The following SNX29 variants were observed in gnomAD, a reference collection of about 807,000 sequenced individuals.
SNX29 encodes the protein sorting nexin 29, also known as sorting nexin-29.
A neutral mutation model predicts 102.1 loss-of-function variants in SNX29; 78 were observed. The observed-to-expected ratio is 0.76, with a 90% confidence interval of 0.64 to 0.92. The LOEUF is 0.92. Among genes scored for constraint, SNX29 ranks in the 40% least tolerant of loss-of-function variants. The pLI, the probability that SNX29 is intolerant of heterozygous loss-of-function variation, is 0.00. For missense variants in SNX29, 1,280 were observed against 1,061.7 expected (o/e 1.21, Z -2.86); for synonymous variants, 580 against 414.5 (o/e 1.40, Z -4.85).
intron 11 of SNX29, among the ~76,000 whole-genome samples, chr16:12,106,943 G>T (rs1296157948): frequency 1.3e-5 from 2 of 151,958 alleles, no homozygotes; most frequent in Non-Finnish European, 2.9e-5. Context: ...AGCCTCCCAA[G>T]TAGCTGGGAC....
chr16:12,559,116 C>G (rs12932704), intron 20 of SNX29, among the ~76,000 whole-genome samples: 1 of 151,852 alleles, frequency 6.6e-6, no homozygotes, highest in Non-Finnish European at 1.5e-5. Flanking sequence ...GTAGTCAAAT[C>G]AGGCTTGGAT....
intron 11 of SNX29, among the ~76,000 whole-genome samples, chr16:12,103,057 TACAA>T (rs2053087342): frequency 6.6e-6 from 1 of 152,110 alleles, no homozygotes; most frequent in Non-Finnish European, 1.5e-5. Context: ...TAAGAGAGGA[TACAA>T]ACAAATGGAA....
intron 20 of SNX29, among the ~76,000 whole-genome samples, chr16:12,541,911 C>T (rs892282399): frequency 1.3e-5 from 2 of 152,170 alleles, no homozygotes; most frequent in African/African-American, 2.4e-5. Context: ...AGATGTTTTC[C>T]ACTGATTGCC....
At chr16:12,502,317 T>A (rs914719561) in intron 19 of SNX29, among the ~76,000 whole-genome samples, 1 of 152,156 alleles carries the variant, frequency 6.6e-6, no homozygotes, top group African/African-American at 2.4e-5. Context: ...TGTGCCTCAG[T>A]GTCTTCAAGT....
intron 20 of SNX29, among the ~76,000 whole-genome samples, chr16:12,540,405 T>TA (rs1276407935): frequency 6.6e-6 from 1 of 152,214 alleles, no homozygotes; most frequent in African/African-American, 2.4e-5. Flanking sequence ...AGTTAGTGGC[T>TA]AAAAACTACA....
chr16:12,198,012 C>CT (rs2076820642), intron 13 of SNX29, among the ~76,000 whole-genome samples: 1 of 152,118 alleles, frequency 6.6e-6, no homozygotes, highest in Non-Finnish European at 1.5e-5. Flanking sequence ...TTTGGCGTAT[C>CT]TATAGTAGTG....
chr16:11,982,170 A>C (rs1165456385), intron 1 of SNX29, among the ~76,000 whole-genome samples: 1 of 152,210 alleles, frequency 6.6e-6, no homozygotes, highest in African/African-American at 2.4e-5. Flanking sequence ...ATCAGGAAGA[A>C]AGATGCCTGC....
chr16:12,173,560 C>T (rs2076196426), intron 13 of SNX29, among the ~76,000 whole-genome samples: 1 of 152,130 alleles, frequency 6.6e-6, no homozygotes, highest in African/African-American at 2.4e-5. Context: ...CAAATTCTAG[C>T]TCTCTCTCAT....
chr16:12,536,818 C>G (rs553719637), intron 20 of SNX29, among the ~76,000 whole-genome samples: 110 of 152,164 alleles, frequency 7.2e-4, no homozygotes, highest in African/African-American at 2.3e-3. Flanking sequence ...TCTATTAAAA[C>G]TGCAAAAATT....
intron 15 of SNX29, among the ~76,000 whole-genome samples, chr16:12,321,680 G>A (rs1457361207): frequency 6.6e-6 from 1 of 152,172 alleles, no homozygotes; most frequent in East Asian, 1.9e-4. Context: ...GTGTAAGTGG[G>A]CCTCCAACCA....
chr16:12,296,866 C>T (rs919813843), intron 15 of SNX29, among the ~76,000 whole-genome samples: 43 of 152,242 alleles, frequency 2.8e-4, no homozygotes, highest in African/African-American at 1.0e-3. Context: ...TGCTCTATGC[C>T]AGGGTTCTCA....
At chr16:12,140,299 A>G (rs2054824744) in intron 13 of SNX29, among the ~76,000 whole-genome samples, 1 of 152,204 alleles carries the variant, frequency 6.6e-6, no homozygotes, top group Non-Finnish European at 1.5e-5. Flanking sequence ...TCAGTTTAAC[A>G]ATGCCAGTGG....
At chr16:12,116,757 C>G (rs527746956) in intron 11 of SNX29, among the ~76,000 whole-genome samples, 3 of 152,120 alleles carry the variant, frequency 2.0e-5, no homozygotes, top group Non-Finnish European at 4.4e-5. Context: ...TGCTTCAACA[C>G]AGATGAACCG....
At chr16:12,087,780 C>G in intron 11 of SNX29, 1 of 447,630 alleles carries the variant, frequency 2.2e-6, no homozygotes, top group Non-Finnish European at 4.5e-6. Context: ...GTCACACAGC[C>G]AAACTTCTGG....
chr16:12,221,611 C>G (rs1268597014), intron 14 of SNX29, among the ~76,000 whole-genome samples: 1 of 152,096 alleles, frequency 6.6e-6, no homozygotes, highest in Non-Finnish European at 1.5e-5. Flanking sequence ...AAGACTGTCT[C>G]AAAAATGAAC....
chr16:12,467,407 G>A lies in SNX29; in HGVS notation c.2038-10312G>A, dbSNP rs2087104934. Among the ~76,000 whole-genome samples, 2 of 152,182 alleles carry A rather than the reference G, an allele frequency of 1.3e-5. 1 individual carries two copies. The highest frequency in any genetic ancestry group is 4.8e-5 in the African/African-American group (2 of 41,438). ...AAATCCATAAGAGCTGTAGATGACA[G>A]TCCCATGCTCTGAGCAGCCCCCGGT... On this transcript the variant is annotated intron_variant, in intron 18 of 20. Transcript: ENST00000566228.
intron 13 of SNX29, among the ~76,000 whole-genome samples, chr16:12,171,068 C>T (rs989756868): frequency 5.3e-5 from 8 of 151,946 alleles, no homozygotes; most frequent in African/African-American, 9.7e-5. Context: ...TCACTAGGCC[C>T]GGTGCTTGTT....
At chr16:12,538,767 G>A (rs1440904869) in intron 20 of SNX29, among the ~76,000 whole-genome samples, 1 of 152,192 alleles carries the variant, frequency 6.6e-6, no homozygotes, top group Non-Finnish European at 1.5e-5. Flanking sequence ...TCCAAGCTGT[G>A]AGCATGTCAC....
intron 1 of SNX29, among the ~76,000 whole-genome samples, chr16:11,990,593 T>C (rs1456343325): frequency 1.3e-5 from 2 of 152,068 alleles, no homozygotes; most frequent in Non-Finnish European, 1.5e-5. Context: ...AGTTAAACAA[T>C]AGCAGCAACA....
Sources: gnomAD v4.1 joint callset for allele counts (sites outside exome capture counted in the v4.1 genomes callset) on GRCh38, gnomAD v4.1.1 for gene constraint, MANE v1.5 for transcripts, NCBI Gene and HGNC (gene_info 2026-07-23, HGNC 2026-07-21) for gene names.